GC: variants seen among roughly 807,000 people sequenced by gnomAD.
The protein encoded by GC is vitamin D-binding protein.
A neutral mutation model predicts 56.7 loss-of-function variants in GC; 43 were observed. The ratio of observed to expected loss-of-function variants is 0.76; its 90% CI spans 0.59 to 0.98. The LOEUF is 0.98. Ranked by LOEUF, GC falls within the 50% of genes least tolerant of loss-of-function variation. The probability of loss-of-function intolerance (pLI) is 0.00; values close to 1 mark genes in which losing one functional copy is unlikely to be tolerated. For missense variants in GC, 529 were observed against 545.9 expected, an observed-to-expected ratio of 0.97 and a Z score of 0.31; for synonymous variants, 216 against 202.7, an observed-to-expected ratio of 1.07 and a Z score of -0.56.
chr4:71,800,371 G>A (rs915172430), intron 1 of GC, among the ~76,000 whole-genome samples: 3 of 152,076 alleles, frequency 2.0e-5, no homozygotes, highest in Non-Finnish European at 4.4e-5. Flanking sequence ...TGAGGATGAT[G>A]GCTTCCAGCA....
chr4:71,752,686 G>A (rs1475164552), intron 10 of GC, 36 bp from the exon 11 acceptor site: 1 of 1,566,406 alleles, frequency 6.4e-7, no homozygotes, highest in Admixed American at 1.8e-5. Flanking sequence ...CTTACTACAT[G>A]TATTTATTTT....
At position 71,763,912 on chromosome 4, in the gene GC, A is replaced by G. The variant is rs144903654; in HGVS notation, c.498T>C (p.Asn166=). 1.3e-4 allele frequency: 214 copies of G among 1,611,660 alleles called. No homozygotes were observed. The African/African-American group carries it at 2.8e-3, about 21-fold the overall frequency. ...ANQFMWEYST[N]YGQAPLSLLV... is the part of the protein sequence containing the mutation. ...AAAGTGACAGAGGAGCTTGTCCGTA[A>G]TTAGTGGAATATTCCCACATAAATC... The change falls in exon 5 of 13, where the codon AAT becomes AAC. Residue 166 remains asparagine, a synonymous_variant. Transcript: ENST00000273951.
chr4:71,750,904 A>C (rs1741532973), intron 11 of GC, among the ~76,000 whole-genome samples: 1 of 151,942 alleles, frequency 6.6e-6, no homozygotes, highest in African/African-American at 2.4e-5. Flanking sequence ...AACAAACAAA[A>C]AAAAAACGGG....
intron 11 of GC, among the ~76,000 whole-genome samples, chr4:71,750,770 A>G: frequency 6.6e-6 from 1 of 152,080 alleles, no homozygotes; most frequent in Non-Finnish European, 1.5e-5. Context: ...CTATAATACC[A>G]GCTACTCGGG....
At chr4:71,775,981 A>G (rs1742495918) in intron 1 of GC, among the ~76,000 whole-genome samples, 1 of 152,030 alleles carries the variant, frequency 6.6e-6, no homozygotes, top group Admixed American at 6.6e-5. Context: ...TAGAATGGCT[A>G]TTGCCAGAAA....
rs1353450867 is a variant in GC, at chr4:71,777,102, TAATTTTTAGTATGGCCAAAAG to T, written c.58+6838_58+6858del. ...TTATAAAAAGTAGATATTTATATATTAATTTTTAGTATGGCCAAAAGAGTTTTATGGTGCTTGTCTGCTATA... is the reference window on the plus strand; with the variant it reads ...TTATAAAAAGTAGATATTTATATATTAGTTTTATGGTGCTTGTCTGCTATA... On this transcript the variant is annotated intron_variant, in intron 1 of 12. Coordinates refer to ENST00000273951, the MANE Select transcript of GC (RefSeq NM_000583.4). Among the ~76,000 whole-genome samples, 196 of 151,962 alleles carry T rather than the reference TAATTTTTAGTATGGCCAAAAG, an allele frequency of 1.3e-3. 2 individuals are homozygous for T. The highest frequency in any genetic ancestry group is 1.6e-3 in the Non-Finnish European group (108 of 67,882).
chr4:71,751,628 A>T (rs1389209258), intron 11 of GC, among the ~76,000 whole-genome samples: 1 of 152,016 alleles, frequency 6.6e-6, no homozygotes, highest in African/African-American at 2.4e-5. Context: ...TTTACTGTTA[A>T]CAATATTGGA....
rs181077922 is a variant in GC at position 71,770,500 on chromosome 4, C to T, written c.59-1100G>A. On this transcript the variant is annotated intron_variant, in intron 1 of 12. Transcript: ENST00000273951. ...CACAGAAGAACACAGTAAGAGAAAA[C>T]GGCAGCTTTACACATCTTGGTAACC... 3.3e-3 allele frequency among the ~76,000 whole-genome samples: 501 copies of T among 152,252 alleles called. 5 individuals are homozygous for T. The highest frequency in any genetic ancestry group is 0.011 in the South Asian group (53 of 4,824).
At position 71,783,951 on chromosome 4, in the gene GC, G is replaced by T. The variant is rs775543919; in HGVS notation, c.58+10C>A. The T allele has an allele frequency of 2.5e-6, 4 of 1,577,780 alleles. No individual in the cohort carries two copies. The highest frequency in any genetic ancestry group is 2.7e-5 in the African/African-American group (2 of 73,244). On this transcript the variant is annotated intron_variant, in intron 1 of 12. Transcript: ENST00000273951. ...ATTCCTGTAAATGGTCACAACAAAAGAAATCTTACCTCTCTCTAAAGCATG... is the reference window on the plus strand; with the variant it reads ...ATTCCTGTAAATGGTCACAACAAAATAAATCTTACCTCTCTCTAAAGCATG...
chr4:71,764,851 T>C (rs1343805968), intron 4 of GC, among the ~76,000 whole-genome samples: 1 of 152,172 alleles, frequency 6.6e-6, no homozygotes, highest in South Asian at 2.1e-4. Context: ...TCCCCCAGTT[T>C]TGTTCATTTT....
chr4:71,803,901 A>G lies in GC; in HGVS notation c.21+25T>C, dbSNP rs541604133. On this transcript the variant is annotated intron_variant, in intron 1 of 13. Coordinates refer to the GC transcript ENST00000504199. ...CAGAGAGTACCAATGGTAACTTGAA[A>G]TTATTTGGAATTAGAACGCAGTACC... The G allele has an allele frequency of 3.6e-6, 5 of 1,404,402 alleles. No individual in the cohort carries two copies. In the South Asian group the frequency reaches 6.1e-5, roughly 17 times the overall value. The allele number at this position is 1,404,402 out of a possible 1,614,324, so 87.0% of individuals were successfully genotyped here.
At chr4:71,803,413 G>A (rs1253187224) in intron 1 of GC, among the ~76,000 whole-genome samples, 4 of 152,138 alleles carry the variant, frequency 2.6e-5, no homozygotes, top group Non-Finnish European at 5.9e-5. Flanking sequence ...CACTTCAAAT[G>A]TGAAAATTTT....
intron 1 of GC, among the ~76,000 whole-genome samples, chr4:71,771,439 T>G (rs1045972877): frequency 3.9e-5 from 6 of 152,044 alleles, no homozygotes; most frequent in Non-Finnish European, 4.4e-5. Flanking sequence ...CTTTTTTGGA[T>G]GGATACCCCC....
upstream of GC, among the ~76,000 whole-genome samples, chr4:71,804,847 G>A (rs1288346165): frequency 1.3e-5 from 2 of 150,382 alleles, no homozygotes; most frequent in Non-Finnish European, 3.0e-5. Flanking sequence ...CCAGTTTACT[G>A]GGGGAGGGGG....
chr4:71,770,981 A>G (rs222022), intron 1 of GC, among the ~76,000 whole-genome samples: 1 of 152,130 alleles, frequency 6.6e-6, no homozygotes, highest in African/African-American at 2.4e-5. Flanking sequence ...GGACACATCA[A>G]AGTCAGTCAG....
intron 2 of GC, 75 bp downstream of exon 2, chr4:71,769,256 G>T: frequency 9.3e-7 from 1 of 1,075,976 alleles, no homozygotes; most frequent in Non-Finnish European, 1.4e-6. Flanking sequence ...CCTCCATGCT[G>T]AGTCAAAGTT....
upstream of GC, among the ~76,000 whole-genome samples, chr4:71,786,170 T>C (rs935259528): frequency 6.6e-6 from 1 of 151,904 alleles, no homozygotes; most frequent in African/African-American, 2.4e-5. Flanking sequence ...CTATACGAGC[T>C]GCCAAATGCA....
intron 1 of GC, among the ~76,000 whole-genome samples, chr4:71,797,726 G>A (rs7690153): frequency 1 from 152,276 of 152,336 alleles, 76,108 homozygotes; most frequent in Middle Eastern, 1. Flanking sequence ...GCAGTTGGAA[G>A]TGCAGAAATA....
At chr4:71,748,338 G>C (rs554662696) in intron 11 of GC, among the ~76,000 whole-genome samples, 20 of 152,146 alleles carry the variant, frequency 1.3e-4, no homozygotes, top group African/African-American at 4.8e-4. Flanking sequence ...ACAGGTGGTG[G>C]GGGGTAGACA....
Sources: gnomAD v4.1 joint callset for allele counts (sites outside exome capture counted in the v4.1 genomes callset) on GRCh38, gnomAD v4.1.1 for gene constraint, MANE v1.5 for transcripts, NCBI Gene and HGNC (gene_info 2026-07-23, HGNC 2026-07-21) for gene names.